MACROD2: variants seen among roughly 807,000 people sequenced by gnomAD.
MACROD2 encodes the protein ADP-ribose glycohydrolase MACROD2.
In MACROD2, 36 loss-of-function variants were observed where a neutral mutation model predicts 70.4. That is an observed-to-expected ratio of 0.51 (90% CI 0.39 to 0.68). The LOEUF (loss-of-function observed/expected upper bound fraction) is 0.68, where lower values mean the gene tolerates loss of function less well. Among genes scored for constraint, MACROD2 ranks in the 30% least tolerant of loss-of-function variants. The pLI, the probability that MACROD2 is intolerant of heterozygous loss-of-function variation, is 0.00. For synonymous variants in MACROD2, 172 were observed against 178.8 expected, an observed-to-expected ratio of 0.96 and a Z score of 0.30; for missense variants, 496 against 538.4, an observed-to-expected ratio of 0.92 and a Z score of 0.78.
At chr20:14,884,305 G>C (rs1354478800) in intron 5 of MACROD2, 1 of 152,288 alleles carries the variant, frequency 6.6e-6, no homozygotes, top group African/African-American at 2.4e-5. Flanking sequence ...TGCAGTTTGG[G>C]CAGGGCTCAG....
intron 3 of MACROD2, among the ~76,000 whole-genome samples, chr20:14,381,025 C>T (rs1285879858): frequency 6.6e-6 from 1 of 152,130 alleles, no homozygotes; most frequent in African/African-American, 2.4e-5. Context: ...AAGCTGTTAG[C>T]TAATAGTTCA....
chr20:14,593,085 A>T (rs1981886714), intron 4 of MACROD2, among the ~76,000 whole-genome samples: 1 of 152,222 alleles, frequency 6.6e-6, no homozygotes, highest in African/African-American at 2.4e-5. Flanking sequence ...TCTTGATGTT[A>T]TACGAAACTG....
At chr20:14,670,847 G>C (rs2070787121) in intron 4 of MACROD2, among the ~76,000 whole-genome samples, 1 of 152,142 alleles carries the variant, frequency 6.6e-6, no homozygotes, top group Non-Finnish European at 1.5e-5. Flanking sequence ...GCACGCCCAT[G>C]TTGACTAGAT....
intron 3 of MACROD2, among the ~76,000 whole-genome samples, chr20:14,229,203 T>A (rs760801684): frequency 6.6e-6 from 1 of 152,084 alleles, no homozygotes; most frequent in Non-Finnish European, 1.5e-5. Context: ...ACACTGTACA[T>A]GAGAGAAGAA....
At chr20:15,357,067 A>G (rs879472449) in intron 6 of MACROD2, among the ~76,000 whole-genome samples, 1 of 152,200 alleles carries the variant, frequency 6.6e-6, no homozygotes, top group African/African-American at 2.4e-5. Flanking sequence ...ATTAGTCTAG[A>G]TGCACATGTG....
At chr20:15,742,012 A>G (rs994876222) in intron 8 of MACROD2, among the ~76,000 whole-genome samples, 5 of 152,202 alleles carry the variant, frequency 3.3e-5, no homozygotes, top group African/African-American at 4.8e-5. Flanking sequence ...CATTTTGTGA[A>G]TGATTGTTAT....
At chr20:15,035,227 C>G (rs1237601881) in intron 5 of MACROD2, among the ~76,000 whole-genome samples, 2 of 152,014 alleles carry the variant, frequency 1.3e-5, no homozygotes, top group African/African-American at 4.8e-5. Context: ...GTCCCCATGT[C>G]TACAAAAAGT....
At chr20:14,139,958 A>G (rs1348986277) in intron 3 of MACROD2, among the ~76,000 whole-genome samples, 2 of 152,234 alleles carry the variant, frequency 1.3e-5, no homozygotes, top group African/African-American at 4.8e-5. Flanking sequence ...TAAGGTATAC[A>G]CATAAAAAAT....
chr20:14,519,225 G>C (rs1262749530), intron 4 of MACROD2, among the ~76,000 whole-genome samples: 1 of 152,014 alleles, frequency 6.6e-6, no homozygotes, highest in African/African-American at 2.4e-5. Flanking sequence ...GGGACAAGGA[G>C]ACCTTTCTTA....
At chr20:15,300,967 G>A (rs2077636062) in intron 6 of MACROD2, among the ~76,000 whole-genome samples, 1 of 152,212 alleles carries the variant, frequency 6.6e-6, no homozygotes, top group African/African-American at 2.4e-5. Context: ...AGAGAACAGA[G>A]GCCTCTGCTA....
At chr20:14,391,594 C>T (rs1308469056) in intron 3 of MACROD2, among the ~76,000 whole-genome samples, 1 of 151,648 alleles carries the variant, frequency 6.6e-6, no homozygotes, top group Non-Finnish European at 1.5e-5. Context: ...ATGTAACAAA[C>T]CTCCACATGT....
intron 3 of MACROD2, among the ~76,000 whole-genome samples, chr20:14,465,268 T>G (rs1020517625): frequency 5.3e-5 from 8 of 152,126 alleles, no homozygotes; most frequent in Non-Finnish European, 1.0e-4. Context: ...CTTGTTGAAT[T>G]GATCCCTTTA....
chr20:14,115,135 C>T (rs866859125), intron 3 of MACROD2, among the ~76,000 whole-genome samples: 2 of 151,936 alleles, frequency 1.3e-5, no homozygotes, highest in African/African-American at 2.4e-5. Context: ...GCAGTGGTTG[C>T]GTCAAAGGTT....
intron 8 of MACROD2, among the ~76,000 whole-genome samples, chr20:15,761,193 G>A (rs1022824050): frequency 5.3e-5 from 8 of 152,074 alleles, no homozygotes; most frequent in Admixed American, 1.3e-4. Flanking sequence ...TCACAGGCAC[G>A]CACCACCAGG....
intron 8 of MACROD2, among the ~76,000 whole-genome samples, chr20:15,564,602 A>C (rs546442708): frequency 6.6e-6 from 1 of 152,322 alleles, no homozygotes; most frequent in African/African-American, 2.4e-5. Flanking sequence ...CTAACACATA[A>C]GGAATGCCTG....
At chr20:14,210,848 G>T (rs1372781592) in intron 3 of MACROD2, among the ~76,000 whole-genome samples, 1 of 152,146 alleles carries the variant, frequency 6.6e-6, no homozygotes, top group East Asian at 1.9e-4. Flanking sequence ...TGAATTAAAA[G>T]ATATTTTTCA....
chr20:15,296,158 A>G (rs1457790894), intron 6 of MACROD2, among the ~76,000 whole-genome samples: 3 of 152,174 alleles, frequency 2.0e-5, no homozygotes, highest in Admixed American at 6.5e-5. Flanking sequence ...GTTAGCCGCT[A>G]CCCACAACAA....
At chr20:15,888,496 C>A (rs1439285956) in intron 10 of MACROD2, among the ~76,000 whole-genome samples, 2 of 152,128 alleles carry the variant, frequency 1.3e-5, no homozygotes, top group African/African-American at 4.8e-5. Context: ...CATTTCTAAG[C>A]AAAGAGAGTT....
intron 3 of MACROD2, among the ~76,000 whole-genome samples, chr20:14,092,762 G>A (rs2054168310): frequency 6.6e-6 from 1 of 152,150 alleles, no homozygotes; most frequent in Non-Finnish European, 1.5e-5. Flanking sequence ...ACGTAGCACA[G>A]TTCTCGCACA....
Sources: gnomAD v4.1 joint callset for allele counts (sites outside exome capture counted in the v4.1 genomes callset) on GRCh38, gnomAD v4.1.1 for gene constraint, MANE v1.5 for transcripts, NCBI Gene and HGNC (gene_info 2026-07-23, HGNC 2026-07-21) for gene names.